PLEKHG1: variants seen among roughly 807,000 people sequenced by gnomAD.
PLEKHG1 encodes the protein pleckstrin homology and RhoGEF domain containing G1, also known as pleckstrin homology domain-containing family G member 1.
A neutral mutation model predicts 100.8 loss-of-function variants in PLEKHG1; 44 were observed. The observed-to-expected ratio is 0.44, with a 90% CI of 0.34 to 0.56. PLEKHG1 has a LOEUF of 0.56. Ranked by LOEUF, PLEKHG1 falls within the 20% of genes least tolerant of loss-of-function variation. The probability of loss-of-function intolerance (pLI) is 0.01; values close to 1 mark genes in which losing one functional copy is unlikely to be tolerated. For missense variants in PLEKHG1, 1,545 were observed against 1,720.9 expected (o/e 0.90, Z 1.81); for synonymous variants, 640 against 662.5 (o/e 0.97, Z 0.52).
intron 1 of PLEKHG1, among the ~76,000 whole-genome samples, chr6:150,622,070 A>G (rs1262730556): frequency 6.6e-6 from 1 of 152,092 alleles, no homozygotes; most frequent in Non-Finnish European, 1.5e-5. Context: ...AGCTCTGTCC[A>G]CACCTGGGGT....
intron 1 of PLEKHG1, among the ~76,000 whole-genome samples, chr6:150,626,614 T>A (rs1777524107): frequency 6.6e-6 from 1 of 152,192 alleles, no homozygotes; most frequent in Admixed American, 6.5e-5. Flanking sequence ...TGGCAAGCAT[T>A]TTTTGTTTCT....
intron 2 of PLEKHG1, among the ~76,000 whole-genome samples, chr6:150,764,231 C>A (rs1784341714): frequency 6.6e-6 from 1 of 151,832 alleles, no homozygotes; most frequent in South Asian, 2.1e-4. Flanking sequence ...GATTCTCCTG[C>A]CTCAGCCTCC....
intron 2 of PLEKHG1, among the ~76,000 whole-genome samples, chr6:150,759,562 G>C (rs1484797088): frequency 6.6e-6 from 1 of 152,178 alleles, no homozygotes; most frequent in African/African-American, 2.4e-5. Context: ...TTTACTCTCT[G>C]TGTGACCTCA....
chr6:150,807,274 A>G (rs1787178688), intron 7 of PLEKHG1, among the ~76,000 whole-genome samples: 1 of 152,230 alleles, frequency 6.6e-6, no homozygotes, highest in Admixed American at 6.5e-5. Context: ...CCGGTAATCC[A>G]CTGGGGGTCT....
At chr6:150,795,395 CAA>C (rs34535873) in intron 4 of PLEKHG1, among the ~76,000 whole-genome samples, 1 of 143,432 alleles carries the variant, frequency 7.0e-6, no homozygotes, top group Non-Finnish European at 1.5e-5. Flanking sequence ...GATTCCATCT[CAA>C]AAAAAAAAAA....
chr6:150,784,592 G>T (rs777699639), intron 3 of PLEKHG1, among the ~76,000 whole-genome samples: 1 of 152,168 alleles, frequency 6.6e-6, no homozygotes, highest in African/African-American at 2.4e-5. Flanking sequence ...TCATTAGGAT[G>T]GTGTTGAAGA....
At chr6:150,701,449 ATATATATATATATAT>A (rs1780778226) in intron 3 of PLEKHG1, among the ~76,000 whole-genome samples, 2 of 80,736 alleles carry the variant, frequency 2.5e-5, no homozygotes, top group African/African-American at 2.6e-4. Flanking sequence ...ATATATATAT[ATATATATATATATAT>A]ATAATTATAC....
chr6:150,644,334 G>GTTTTGTTTTT (rs1554255839), intron 2 of PLEKHG1, among the ~76,000 whole-genome samples: 1 of 117,622 alleles, frequency 8.5e-6, no homozygotes, highest in African/African-American at 3.5e-5. Flanking sequence ...TTCTTTTCGT[G>GTTTTGTTTTT]TTTTTTTTTT....
chr6:150,760,727 G>T lies in PLEKHG1; in HGVS notation c.412-7911G>T, dbSNP rs142223743. On this transcript the variant is annotated intron_variant, in intron 2 of 15. Transcript: ENST00000358517. ...GGGAGGTTGCAAATAGGTCTGGAAA[G>T]ATATTTCAGTATGCAACAGGACTTC... 6.5e-3 allele frequency among the ~76,000 whole-genome samples: 963 copies of T among 149,216 alleles called. 13 individuals carry two copies. The highest frequency in any genetic ancestry group is 0.023 in the African/African-American group (913 of 40,378).
At chr6:150,671,088 CATATAT>C (rs10566696) in intron 3 of PLEKHG1, among the ~76,000 whole-genome samples, 4 of 147,408 alleles carry the variant, frequency 2.7e-5, no homozygotes, top group Non-Finnish European at 3.0e-5. Context: ...AGTATTCCAT[CATATAT>C]ATATATATAT....
intron 1 of PLEKHG1, among the ~76,000 whole-genome samples, chr6:150,621,105 G>C (rs765447608): frequency 1.3e-5 from 2 of 152,138 alleles, no homozygotes; most frequent in Non-Finnish European, 2.9e-5. Context: ...TCCTGGAGTT[G>C]TTGCAAAGAG....
intron 6 of PLEKHG1, 21 bp from the exon 8 acceptor site, chr6:150,804,584 AAAACC>A (rs1158207406): frequency 6.4e-6 from 10 of 1,552,664 alleles, no homozygotes; most frequent in Non-Finnish European, 8.7e-6. Context: ...GAAAAAAAAA[AAAACC>A]CTCGTTCTTT....
At chr6:150,652,680 A>C (rs1778799348) in intron 3 of PLEKHG1, among the ~76,000 whole-genome samples, 2 of 151,338 alleles carry the variant, frequency 1.3e-5, no homozygotes, top group East Asian at 3.9e-4. Context: ...AGATCGCACC[A>C]TTGCACTCCA....
intron 3 of PLEKHG1, among the ~76,000 whole-genome samples, chr6:150,669,471 G>A (rs374233410): frequency 5.9e-5 from 9 of 152,112 alleles, no homozygotes; most frequent in East Asian, 5.8e-4. Context: ...ATAAAATAAC[G>A]CGACGTTCTT....
At chr6:150,644,847 A>AT (rs1004736089) in intron 2 of PLEKHG1, among the ~76,000 whole-genome samples, 3 of 152,150 alleles carry the variant, frequency 2.0e-5, no homozygotes, top group Admixed American at 6.5e-5. Flanking sequence ...ACTGGAAGTT[A>AT]TTTTTTAAGG....
chr6:150,626,470 G>A (rs138119759), intron 1 of PLEKHG1, among the ~76,000 whole-genome samples: 1 of 152,262 alleles, frequency 6.6e-6, no homozygotes, highest in African/African-American at 2.4e-5. Flanking sequence ...AAGGGGCGTT[G>A]GGGACACCAG....
chr6:150,807,187 T>C (rs1787171774), intron 7 of PLEKHG1, among the ~76,000 whole-genome samples: 1 of 152,236 alleles, frequency 6.6e-6, no homozygotes, highest in Admixed American at 6.5e-5. Context: ...ATGCCTAATT[T>C]ATAAATTAAA....
intron 6 of PLEKHG1, among the ~76,000 whole-genome samples, chr6:150,801,624 G>A (rs1050579690): frequency 2.6e-5 from 4 of 151,490 alleles, no homozygotes; most frequent in Non-Finnish European, 5.9e-5. Context: ...ATTTTTGGTA[G>A]AGATAGAGTT....
At chr6:150,797,382 G>A (rs1467255910) in intron 5 of PLEKHG1, among the ~76,000 whole-genome samples, 2 of 152,210 alleles carry the variant, frequency 1.3e-5, no homozygotes, top group East Asian at 3.9e-4. Flanking sequence ...AAAGACCCGG[G>A]ATGTTGCTGC....
Sources: allele counts gnomAD v4.1 joint callset (sites outside exome capture counted in the v4.1 genomes callset), GRCh38; gene constraint gnomAD v4.1.1; transcripts MANE v1.5; gene names NCBI Gene and HGNC (gene_info 2026-07-23, HGNC 2026-07-21).